Variants in MACROD2 observed in about 807,000 individuals in gnomAD.
The protein encoded by MACROD2 is ADP-ribose glycohydrolase MACROD2.
In MACROD2, 36 loss-of-function variants were observed where a neutral mutation model predicts 70.4. That is an observed-to-expected ratio of 0.51 (90% confidence interval 0.39 to 0.68). MACROD2 has a LOEUF of 0.68. Ranked by LOEUF, MACROD2 falls within the 30% of genes least tolerant of loss-of-function variation. The pLI is 0.00. For synonymous variants in MACROD2, 172 were observed against 178.8 expected, an observed-to-expected ratio of 0.96 and a Z score of 0.30; for missense variants, 496 against 538.4, an observed-to-expected ratio of 0.92 and a Z score of 0.78.
At chr20:15,892,927 A>T (rs2064910985) in intron 10 of MACROD2, 1 of 398,900 alleles carries the variant, frequency 2.5e-6, no homozygotes, top group East Asian at 3.6e-5. Flanking sequence ...GTGATTCCAG[A>T]GGGGTTAGAG....
At chr20:15,515,839 GC>G (rs1163130559) in intron 8 of MACROD2, among the ~76,000 whole-genome samples, 3 of 152,178 alleles carry the variant, frequency 2.0e-5, no homozygotes, top group Non-Finnish European at 2.9e-5. Context: ...TGTAGCCCAG[GC>G]TTGGAGAAAA....
intron 5 of MACROD2, among the ~76,000 whole-genome samples, chr20:15,180,344 G>A (rs981147001): frequency 3.3e-5 from 5 of 152,156 alleles, no homozygotes; most frequent in Non-Finnish European, 7.3e-5. Context: ...AATTGAATTC[G>A]TAGAAATTTA....
At chr20:15,769,179 ACT>A (rs2051579778) in intron 8 of MACROD2, among the ~76,000 whole-genome samples, 2 of 152,062 alleles carry the variant, frequency 1.3e-5, no homozygotes, top group East Asian at 3.9e-4. Context: ...ACGGAGTCTC[ACT>A]CTCTCACCCA....
intron 3 of MACROD2, among the ~76,000 whole-genome samples, chr20:14,275,353 C>G (rs1329096794): frequency 6.6e-6 from 1 of 152,104 alleles, no homozygotes; most frequent in East Asian, 1.9e-4. Context: ...TGATCTTTGA[C>G]AAACCTGAGA....
intron 3 of MACROD2, among the ~76,000 whole-genome samples, chr20:14,250,753 A>G (rs1456315994): frequency 2.0e-5 from 3 of 152,198 alleles, no homozygotes; most frequent in Non-Finnish European, 4.4e-5. Flanking sequence ...AAGTGATAAT[A>G]ATAACAGTAA....
At chr20:15,568,648 C>G (rs1019086461) in intron 8 of MACROD2, among the ~76,000 whole-genome samples, 2 of 152,106 alleles carry the variant, frequency 1.3e-5, no homozygotes, top group Non-Finnish European at 2.9e-5. Context: ...TCATGTAGTT[C>G]CAAATGAACT....
chr20:15,247,592 CCTAGGCTGCGAA>C (rs2077117641), intron 6 of MACROD2, among the ~76,000 whole-genome samples: 1 of 152,188 alleles, frequency 6.6e-6, no homozygotes, highest in African/African-American at 2.4e-5. Flanking sequence ...TAACTGTCTT[CCTAGGCTGCGAA>C]ACCCTGAAGG....
chr20:14,569,761 G>A (rs961578202), intron 4 of MACROD2, among the ~76,000 whole-genome samples: 27 of 151,810 alleles, frequency 1.8e-4, no homozygotes, highest in Non-Finnish European at 3.4e-4. Context: ...TTTGGGTCCC[G>A]GGACTAGCAT....
chr20:15,415,758 C>T (rs1269054385), intron 6 of MACROD2, among the ~76,000 whole-genome samples: 1 of 152,186 alleles, frequency 6.6e-6, no homozygotes, highest in Non-Finnish European at 1.5e-5. Context: ...CTCCTTCCAT[C>T]TTTTCTTCCA....
intron 8 of MACROD2, among the ~76,000 whole-genome samples, chr20:15,772,590 G>T (rs148373877): frequency 4.6e-5 from 7 of 152,162 alleles, no homozygotes; most frequent in Non-Finnish European, 8.8e-5. Context: ...AAAGAAATAT[G>T]CCAGACTCAG....
At chr20:15,595,273 G>A (rs1000188078) in intron 8 of MACROD2, among the ~76,000 whole-genome samples, 28 of 152,238 alleles carry the variant, frequency 1.8e-4, no homozygotes, top group Admixed American at 5.9e-4. Flanking sequence ...TTTATGTTAC[G>A]TATAGTTCAC....
intron 5 of MACROD2, among the ~76,000 whole-genome samples, chr20:15,148,747 G>T (rs2076248042): frequency 6.6e-6 from 1 of 152,052 alleles, no homozygotes; most frequent in Non-Finnish European, 1.5e-5. Flanking sequence ...CCTGACTTCT[G>T]AGAAGGGAAA....
rs148660297 is a variant in MACROD2 at position 14,807,796 on chromosome 20, A to T, written c.418+122837A>T. 8.9e-4 allele frequency among the ~76,000 whole-genome samples: 136 copies of T among 152,252 alleles called. 1 individual carries two copies. The highest frequency in any genetic ancestry group is 1.3e-3 in the Non-Finnish European group (88 of 67,998). ...ACAGCACAAGAACTTTGTGAAGCAT[A>T]CACAAGTATCAATAGCTGAATCAAT... is the stretch of plus-strand genomic sequence containing the variant. On this transcript the variant is annotated intron_variant, in intron 5 of 17. Coordinates refer to ENST00000684519, the MANE Select transcript of MACROD2 (RefSeq NM_001351661.2).
chr20:15,621,239 T>C (rs528153998), intron 8 of MACROD2, among the ~76,000 whole-genome samples: 1 of 152,322 alleles, frequency 6.6e-6, no homozygotes, highest in East Asian at 1.9e-4. Context: ...TCTTAGTCTC[T>C]TCTCTCTATT....
intron 4 of MACROD2, among the ~76,000 whole-genome samples, chr20:14,574,267 A>C (rs966922550): frequency 2.6e-5 from 4 of 151,930 alleles, no homozygotes; most frequent in Admixed American, 2.6e-4. Context: ...CTTCCACTTG[A>C]ATTTTTCCAT....
chr20:14,839,875 A>G (rs1170726488), intron 5 of MACROD2, among the ~76,000 whole-genome samples: 5 of 152,080 alleles, frequency 3.3e-5, no homozygotes, highest in Admixed American at 2.0e-4. Flanking sequence ...CTGAATCTTT[A>G]AACTACCAGA....
chr20:15,742,995 C>CT (rs2051128084), intron 8 of MACROD2, among the ~76,000 whole-genome samples: 1 of 152,210 alleles, frequency 6.6e-6, no homozygotes, highest in Non-Finnish European at 1.5e-5. Flanking sequence ...TCTTCAATCT[C>CT]TTTCCCCTGA....
chr20:14,961,987 T>G (rs2074587399), intron 5 of MACROD2, among the ~76,000 whole-genome samples: 1 of 152,018 alleles, frequency 6.6e-6, no homozygotes, highest in Non-Finnish European at 1.5e-5. Context: ...CCTTTTTGTT[T>G]GTTTGTTTTT....
chr20:15,980,245 G>A (rs1011689199), intron 13 of MACROD2, among the ~76,000 whole-genome samples: 1 of 152,226 alleles, frequency 6.6e-6, no homozygotes, highest in African/African-American at 2.4e-5. Flanking sequence ...CGGGCCTGGT[G>A]CAGGGCTGCC....
Sources: allele counts gnomAD v4.1 joint callset (sites outside exome capture counted in the v4.1 genomes callset), GRCh38; gene constraint gnomAD v4.1.1; transcripts MANE v1.5; gene names NCBI Gene and HGNC (gene_info 2026-07-23, HGNC 2026-07-21).